The following RFX4 variants were observed in gnomAD, a reference collection of about 807,000 sequenced individuals.
RFX4 encodes regulatory factor X4, also known as transcription factor RFX4.
Under a neutral mutation model 95.0 loss-of-function variants are expected in RFX4, and 10 were observed. That is an observed-to-expected ratio of 0.11 (90% CI 0.06 to 0.18). RFX4 has a LOEUF of 0.18. RFX4 is among the 10% of genes least tolerant of loss of function. RFX4 has a pLI of 1.00. For synonymous variants in RFX4, 321 were observed against 340.7 expected (o/e 0.94, Z 0.64); for missense variants, 640 against 922.0 (o/e 0.69, Z 3.96).
intron 3 of RFX4, chr12:106,646,017 T>C (rs2040736487): frequency 8.7e-7 from 1 of 1,154,120 alleles, no homozygotes; most frequent in Admixed American, 2.4e-5. Flanking sequence ...CCACAACTTT[T>C]TTTAAAAAAA....
At chr12:106,677,826 T>G (rs1303990789) in intron 4 of RFX4, among the ~76,000 whole-genome samples, 1 of 151,616 alleles carries the variant, frequency 6.6e-6, no homozygotes, top group African/African-American at 2.4e-5. Context: ...AGTGCAGTAG[T>G]GGGGGTAAGG....
intron 2 of RFX4, among the ~76,000 whole-genome samples, chr12:106,633,870 C>A (rs71452920): frequency 0.083 from 12,693 of 152,274 alleles, 717 homozygotes; most frequent in East Asian, 0.33. Context: ...CCCTGGGCCC[C>A]AGGTCCCAGT....
chr12:106,590,987 T>TA (rs972715856), intron 1 of RFX4, among the ~76,000 whole-genome samples: 1 of 151,296 alleles, frequency 6.6e-6, no homozygotes, highest in Middle Eastern at 3.4e-3. Context: ...AAAAGAACAA[T>TA]AAAAAAAGAA....
chr12:106,727,914 C>G (rs1311018245), intron 13 of RFX4, among the ~76,000 whole-genome samples: 1 of 152,152 alleles, frequency 6.6e-6, no homozygotes, highest in Non-Finnish European at 1.5e-5. Context: ...CCACCGCGCC[C>G]GGCCCTGAAT....
intron 8 of RFX4, among the ~76,000 whole-genome samples, chr12:106,697,324 G>A (rs111635265): frequency 2.0e-4 from 31 of 152,178 alleles, no homozygotes; most frequent in African/African-American, 7.0e-4. Flanking sequence ...TAAGGTATAA[G>A]GAGCTTTTTT....
intron 2 of RFX4, among the ~76,000 whole-genome samples, chr12:106,618,845 T>C (rs1370098988): frequency 6.6e-6 from 1 of 152,124 alleles, no homozygotes; most frequent in African/African-American, 2.4e-5. Context: ...TGGGAAGGGA[T>C]TAATAGAGTT....
At chr12:106,597,819 C>G (rs1189333469) in intron 1 of RFX4, among the ~76,000 whole-genome samples, 5 of 152,044 alleles carry the variant, frequency 3.3e-5, no homozygotes, top group Non-Finnish European at 7.3e-5. Context: ...ATGATGGTGC[C>G]ACTGCATCCC....
At position 106,736,858 on chromosome 12, in the gene RFX4, C is replaced by T. The variant is rs540905857; in HGVS notation, c.1633+3773C>T. Among the ~76,000 whole-genome samples, 49 of 152,264 alleles carry T rather than the reference C, an allele frequency of 3.2e-4. 1 individual carries two copies. The highest frequency in any genetic ancestry group is 3.4e-3 in the Middle Eastern group (1 of 294). ...ACCCTGCCTCCAGACTCTACTCTGT[C>T]CTCTCACACTACTCACTAAGTCTCG... On this transcript the variant is annotated intron_variant, in intron 15 of 17. Coordinates refer to ENST00000392842, the MANE Select transcript of RFX4 (RefSeq NM_213594.3).
intron 17 of RFX4, among the ~76,000 whole-genome samples, chr12:106,754,763 G>T (rs1317391484): frequency 6.6e-6 from 1 of 152,312 alleles, no homozygotes; most frequent in South Asian, 2.1e-4. Flanking sequence ...TCCAGACAAG[G>T]TGTGAGAGTC....
Position 106,696,416 on chromosome 12 carries a change from T to C in RFX4, c.803T>C (p.Met268Thr), listed in dbSNP as rs779315738. 1 of 1,614,166 alleles carries C rather than the reference T, an allele frequency of 6.2e-7. No individual in the cohort carries two copies. The highest frequency in any genetic ancestry group is 8.5e-7 in the Non-Finnish European group (1 of 1,180,018). The change falls in exon 8 of 18, where the codon ATG becomes ACG. Residue 268 changes from methionine to threonine, a missense_variant. Transcript: ENST00000392842. ...ILYKAISGVLMPTVLQALPDS... is the reference protein window; with the variant it reads ...ILYKAISGVLTPTVLQALPDS... Reference sequence around the variant, plus strand: ...TACAAAGCTATCTCCGGGGTGCTGATGCCCACTGTGCTGCAGGCATTACCT... The same window carrying C: ...TACAAAGCTATCTCCGGGGTGCTGACGCCCACTGTGCTGCAGGCATTACCT...
intron 3 of RFX4, among the ~76,000 whole-genome samples, chr12:106,641,584 A>G (rs1032427190): frequency 6.6e-6 from 1 of 152,160 alleles, no homozygotes; most frequent in Admixed American, 6.5e-5. Context: ...TTTCTAAATA[A>G]AGGGTCACAT....
intron 15 of RFX4, among the ~76,000 whole-genome samples, chr12:106,736,999 T>TGA (rs1368608455): frequency 3.9e-5 from 6 of 152,030 alleles, no homozygotes; most frequent in Admixed American, 3.9e-4. Context: ...TCCTTCTTCT[T>TGA]GGGCTAGCCT....
At chr12:106,704,065 CAAAAA>C (rs34213070) in intron 8 of RFX4, among the ~76,000 whole-genome samples, 1 of 40,940 alleles carries the variant, frequency 2.4e-5, no homozygotes, top group African/African-American at 7.2e-5. Flanking sequence ...GACACTGTCT[CAAAAA>C]AAAAAAAAAA....
At position 106,711,526 on chromosome 12, in the gene RFX4, T is replaced by G; in HGVS notation, c.993+15T>G. On this transcript the variant is annotated intron_variant, in intron 10 of 17. Coordinates refer to ENST00000392842, the MANE Select transcript of RFX4 (RefSeq NM_213594.3). ...ATCTCTGCCAGGTAGCTGTCCTCCATTATGTGTTTTAATCACTGCTGAGTC... is the reference window on the plus strand; with the variant it reads ...ATCTCTGCCAGGTAGCTGTCCTCCAGTATGTGTTTTAATCACTGCTGAGTC... 1 of 1,612,988 alleles carries G rather than the reference T, an allele frequency of 6.2e-7. No individual in the cohort carries two copies. Among genetic ancestry groups the G allele is most frequent in the Non-Finnish European group, 8.5e-7 (1 of 1,178,926 alleles).
At position 106,601,376 on chromosome 12, in the gene RFX4, T is replaced by A. The variant is rs913322442; in HGVS notation, c.44-7421T>A. 4 of 1,558,998 alleles carry A rather than the reference T, an allele frequency of 2.6e-6. No individual in the cohort carries two copies. The African/African-American group carries it at 4.1e-5, about 16-fold the overall frequency. ...TGACCAGGGCCCAGGGACAGGAGAC[T>A]GGGGTGGGCCTGGCACCCTCAGGGG... On this transcript the variant is annotated intron_variant, in intron 1 of 17. Coordinates refer to ENST00000392842, the MANE Select transcript of RFX4 (RefSeq NM_213594.3).
chr12:106,605,767 T>C (rs999406530), intron 1 of RFX4, among the ~76,000 whole-genome samples: 3 of 152,248 alleles, frequency 2.0e-5, no homozygotes, highest in Admixed American at 2.0e-4. Flanking sequence ...GAAATGATGG[T>C]TGTCTTCTCA....
At chr12:106,685,350 T>G (rs1299619071) in intron 5 of RFX4, among the ~76,000 whole-genome samples, 1 of 152,228 alleles carries the variant, frequency 6.6e-6, no homozygotes, top group African/African-American at 2.4e-5. Context: ...AAATCCTGCC[T>G]CTGCTCCTTA....
At chr12:106,594,043 C>CA (rs1285373811) in intron 1 of RFX4, among the ~76,000 whole-genome samples, 1 of 152,138 alleles carries the variant, frequency 6.6e-6, no homozygotes, top group Admixed American at 6.5e-5. Context: ...TTTGCCTCCC[C>CA]AAAAAGAAAA....
At chr12:106,728,354 G>T (rs2042545230) in intron 13 of RFX4, among the ~76,000 whole-genome samples, 1 of 148,704 alleles carries the variant, frequency 6.7e-6, no homozygotes, top group Non-Finnish European at 1.5e-5. Context: ...GAAGTTAAAA[G>T]AGCTTACTTA....
Sources: allele counts gnomAD v4.1 joint callset (sites outside exome capture counted in the v4.1 genomes callset), GRCh38; gene constraint gnomAD v4.1.1; transcripts MANE v1.5; gene names NCBI Gene and HGNC (gene_info 2026-07-23, HGNC 2026-07-21).